KATNAL2: variants seen among roughly 807,000 people sequenced by gnomAD.
The protein encoded by KATNAL2 is katanin catalytic subunit A1 like 2.
KATNAL2 carries 52 observed loss-of-function variants against 76.3 expected under a neutral mutation model. That is an observed-to-expected ratio of 0.68 (90% CI 0.55 to 0.86). The LOEUF (loss-of-function observed/expected upper bound fraction) is 0.86. Among genes scored for constraint, KATNAL2 ranks in the 40% least tolerant of loss-of-function variants. The pLI, the probability that KATNAL2 is intolerant of heterozygous loss-of-function variation, is 0.00. For synonymous variants in KATNAL2, 243 were observed against 244.2 expected, an observed-to-expected ratio of 1.00 and a Z score of 0.05; for missense variants, 660 against 668.9, an observed-to-expected ratio of 0.99 and a Z score of 0.15.
chr18:47,097,554 T>G (rs2063303066), intron 15 of KATNAL2, among the ~76,000 whole-genome samples: 1 of 152,150 alleles, frequency 6.6e-6, no homozygotes, highest in South Asian at 2.1e-4. Flanking sequence ...ATCAGACAAA[T>G]TCAGAATGTG....
chr18:47,095,397 C>G (rs1245307927), intron 15 of KATNAL2, among the ~76,000 whole-genome samples: 1 of 151,990 alleles, frequency 6.6e-6, no homozygotes, highest in Non-Finnish European at 1.5e-5. Context: ...GTGGTTTCCC[C>G]CATGCTGTTC....
At chr18:46,941,652 A>G (rs1415670121) in intron 1 of KATNAL2, among the ~76,000 whole-genome samples, 1 of 152,146 alleles carries the variant, frequency 6.6e-6, no homozygotes, top group Non-Finnish European at 1.5e-5. Flanking sequence ...AGTTGGGACT[A>G]TAGGTGTGTA....
At chr18:47,082,540 T>C (rs761281895) in intron 15 of KATNAL2, among the ~76,000 whole-genome samples, 2 of 152,232 alleles carry the variant, frequency 1.3e-5, no homozygotes, top group Non-Finnish European at 2.9e-5. Flanking sequence ...GTTTATTACA[T>C]AATTTTTTCT....
chr18:47,034,499 C>T, intron 3 of KATNAL2: 3 of 1,614,182 alleles, frequency 1.9e-6, no homozygotes, highest in Non-Finnish European at 2.5e-6. Context: ...CTTAAGCAGG[C>T]CCCGCATGAT....
intron 3 of KATNAL2, among the ~76,000 whole-genome samples, chr18:47,042,458 G>T (rs1447173745): frequency 1.3e-5 from 2 of 152,074 alleles, no homozygotes; most frequent in South Asian, 2.1e-4. Flanking sequence ...TATAAAATAG[G>T]TTACTGTTTT....
chr18:47,090,590 G>A (rs374913080), intron 15 of KATNAL2, among the ~76,000 whole-genome samples: 4 of 152,264 alleles, frequency 2.6e-5, no homozygotes, highest in African/African-American at 9.6e-5. Flanking sequence ...GATTGGTACA[G>A]ACAATAATAA....
chr18:47,063,174 G>T lies in KATNAL2; in HGVS notation c.648+104G>T, dbSNP rs868704771. On this transcript the variant is annotated intron_variant, in intron 9 of 17. Transcript: ENST00000683218. Reference sequence around the variant, plus strand: ...GTGAAACCTTGAGATCAAGTTAAAGGCCATAGCCACCTGCCATCGTTTGTT... The same window carrying T: ...GTGAAACCTTGAGATCAAGTTAAAGTCCATAGCCACCTGCCATCGTTTGTT... 1.4e-4 allele frequency: 204 copies of T among 1,426,890 alleles called. No homozygotes were observed. In the Middle Eastern group the frequency reaches 3.7e-3, roughly 26 times the overall value. 88.4% of individuals were successfully genotyped at this position (1,426,890 alleles called of 1,614,324 possible). A position where few individuals can be genotyped will look rare whatever the true frequency, so the allele number is the denominator to read the frequency against.
rs2063375755 is a variant in KATNAL2 at position 47,099,313 on chromosome 18, A to G, written c.1282A>G (p.Arg428Gly). ...ILVDLPSREA[R>G]QAMIYHWLPP... is the part of the protein sequence containing the mutation. ...GGTCGATCTCCCCAGCCGGGAGGCC[A>G]GGCAGGCCATGATCTACCACTGGCT... The change falls in exon 16 of 18, where the codon AGG (arginine) becomes GGG (glycine). Residue 428 changes from arginine to glycine, a missense_variant. Transcript: ENST00000683218. 1.2e-6 allele frequency: 2 copies of G among 1,614,054 alleles called. No individual in the cohort carries two copies. Among genetic ancestry groups the G allele is most frequent in the African/African-American group, 2.7e-5 (2 of 74,930 alleles).
chr18:47,058,622 G>A (rs894195557), intron 7 of KATNAL2, among the ~76,000 whole-genome samples: 1 of 144,480 alleles, frequency 6.9e-6, no homozygotes, highest in African/African-American at 2.4e-5. Context: ...CCAGGGTGGG[G>A]CCAGGGCCCA....
chr18:47,082,755 C>A (rs1396361796), intron 15 of KATNAL2, among the ~76,000 whole-genome samples: 1 of 152,108 alleles, frequency 6.6e-6, no homozygotes. Flanking sequence ...AGTGTGGAGA[C>A]CACACTTTGT....
intron 11 of KATNAL2, among the ~76,000 whole-genome samples, chr18:47,068,062 A>G (rs1390224647): frequency 1.3e-5 from 2 of 152,202 alleles, no homozygotes; most frequent in Non-Finnish European, 2.9e-5. Flanking sequence ...ATTCACAAGC[A>G]TCTTTCATGC....
At chr18:47,037,258 A>G (rs919784194) in intron 3 of KATNAL2, among the ~76,000 whole-genome samples, 3 of 152,220 alleles carry the variant, frequency 2.0e-5, no homozygotes, top group African/African-American at 4.8e-5. Flanking sequence ...ATGATATTCA[A>G]TGCTTCCTTT....
At chr18:47,094,847 C>T (rs570251835) in intron 15 of KATNAL2, among the ~76,000 whole-genome samples, 1 of 152,284 alleles carries the variant, frequency 6.6e-6, no homozygotes, top group African/African-American at 2.4e-5. Flanking sequence ...CTCCATTTTA[C>T]CCTCTACCAA....
rs369675732 is a variant in KATNAL2 at position 47,033,011 on chromosome 18, G to C, written c.52-13446G>C. Reference sequence around the variant, plus strand: ...CAAGGCAAGTCCTGAGTTTATCGTCGGGAGAATCTTCTCTTGTAGTCTCGA... The same window carrying C: ...CAAGGCAAGTCCTGAGTTTATCGTCCGGAGAATCTTCTCTTGTAGTCTCGA... On this transcript the variant is annotated intron_variant, in intron 3 of 17. Transcript: ENST00000683218. 4 of 1,613,966 alleles carry C rather than the reference G, an allele frequency of 2.5e-6. No individual in the cohort carries two copies. The African/African-American group carries it at 4.0e-5, about 16-fold the overall frequency.
chr18:47,078,193 C>T (rs2062331995), intron 15 of KATNAL2, among the ~76,000 whole-genome samples: 1 of 152,184 alleles, frequency 6.6e-6, no homozygotes. Context: ...CCACCAACAT[C>T]AACAACTCTT....
At chr18:47,083,436 C>T (rs1406979505) in intron 15 of KATNAL2, among the ~76,000 whole-genome samples, 3 of 152,176 alleles carry the variant, frequency 2.0e-5, no homozygotes, top group Admixed American at 6.5e-5. Flanking sequence ...TCTATTGCAT[C>T]GTCCGGGGCA....
At chr18:46,934,731 T>C (rs1164472679) in intron 1 of KATNAL2, among the ~76,000 whole-genome samples, 1 of 152,224 alleles carries the variant, frequency 6.6e-6, no homozygotes, top group Non-Finnish European at 1.5e-5. Context: ...CCCATGCCTA[T>C]GTCCTGAATG....
rs541135358 is a variant in KATNAL2 at position 47,101,414 on chromosome 18, G to T, written c.*409G>T. The T allele has an allele frequency of 5.8e-5, 11 of 189,186 alleles. No individual in the cohort carries two copies. The highest frequency in any genetic ancestry group is 1.1e-4 in the Non-Finnish European group (10 of 89,100). The allele number at this position is 189,186 out of a possible 1,614,324, so 11.7% of individuals were successfully genotyped here. ...GCCAAGTAGAAGCTAAGCTTGACAG[G>T]CACTGCCCAGCTGACAGTCCCAGGG... On this transcript the variant is annotated 3_prime_UTR_variant, in exon 18 of 18. Coordinates refer to ENST00000683218, the MANE Select transcript of KATNAL2 (RefSeq NM_001387690.1).
chr18:46,961,959 G>A lies in KATNAL2; in HGVS notation c.51+15036G>A, dbSNP rs146537729. ...AAGAGCTACACACTTGAATTTCAGG[G>A]AGTCTGCGGAAAGAGCTACAGTTAT... On this transcript the variant is annotated intron_variant, in intron 3 of 17. Transcript: ENST00000683218. Among the ~76,000 whole-genome samples the A allele has an allele frequency of 4.3e-4, 66 of 152,326 alleles. No individual in the cohort carries two copies. The East Asian group carries it at 0.012, about 28-fold the overall frequency.
Sources: allele counts gnomAD v4.1 joint callset (sites outside exome capture counted in the v4.1 genomes callset), GRCh38; gene constraint gnomAD v4.1.1; transcripts MANE v1.5; gene names NCBI Gene and HGNC (gene_info 2026-07-23, HGNC 2026-07-21).